NAALADL2: variants seen among roughly 807,000 people sequenced by gnomAD.
The protein encoded by NAALADL2 is N-acetylated alpha-linked acidic dipeptidase like 2.
NAALADL2 carries 76 observed loss-of-function variants against 87.2 expected under a neutral mutation model. That is an observed-to-expected ratio of 0.87 (90% CI 0.72 to 1.05). The LOEUF (loss-of-function observed/expected upper bound fraction) is 1.05. NAALADL2 is among the 50% of genes least tolerant of loss of function. The pLI is 0.00. For missense variants in NAALADL2, 1,089 were observed against 945.8 expected (o/e 1.15, Z -1.99); for synonymous variants, 354 against 331.0 (o/e 1.07, Z -0.75).
rs373614407 is a variant in NAALADL2 at position 175,402,958 on chromosome 3, TTC to T, written c.1091-44269_1091-44268del. Among the ~76,000 whole-genome samples, 825 of 152,276 alleles carry T rather than the reference TTC, an allele frequency of 5.4e-3. 9 individuals are homozygous for T. The highest frequency in any genetic ancestry group is 0.019 in the African/African-American group (788 of 41,576). ...TAAATTCTACTTTGACACTTTTAAA[TTC>T]TTCATAAATATTTTTGAAATGAACA... On this transcript the variant is annotated intron_variant, in intron 5 of 13. Coordinates refer to ENST00000454872, the MANE Select transcript of NAALADL2 (RefSeq NM_207015.3).
At chr3:175,174,499 GA>G (rs1212728280) in intron 2 of NAALADL2, among the ~76,000 whole-genome samples, 1 of 151,672 alleles carries the variant, frequency 6.6e-6, no homozygotes, top group Non-Finnish European at 1.5e-5. Flanking sequence ...ACATGAAAAT[GA>G]AAAAAATTAT....
At chr3:175,410,013 C>G (rs1360198980) in intron 5 of NAALADL2, among the ~76,000 whole-genome samples, 2 of 151,778 alleles carry the variant, frequency 1.3e-5, no homozygotes, top group African/African-American at 4.8e-5. Context: ...GACTAAATAA[C>G]CAAACATAAT....
At chr3:174,825,167 A>G (rs1187846897) in intron 3 of NAALADL2, among the ~76,000 whole-genome samples, 1 of 152,236 alleles carries the variant, frequency 6.6e-6, no homozygotes, top group Non-Finnish European at 1.5e-5. Context: ...ATTGGCACAC[A>G]TGATGGAGGC....
chr3:175,232,589 A>G (rs1258720302), intron 2 of NAALADL2, among the ~76,000 whole-genome samples: 2 of 152,204 alleles, frequency 1.3e-5, no homozygotes, highest in African/African-American at 4.8e-5. Context: ...AAAATCTTTT[A>G]CAAAGTCTCA....
rs1164243901 is a variant in NAALADL2, at chr3:174,552,795, CAAAAAAAA to C, written c.-115+2180_-115+2187del. Among the ~76,000 whole-genome samples, 15 of 55,976 alleles carry C rather than the reference CAAAAAAAA, an allele frequency of 2.7e-4. No individual in the cohort carries two copies. The Admixed American group carries it at 3.0e-3, about 11-fold the overall frequency. 36.7% of individuals were successfully genotyped at this position (55,976 alleles called of 152,430 possible). A position where few individuals can be genotyped will look rare whatever the true frequency, so the allele number is the denominator to read the frequency against. On this transcript the variant is annotated intron_variant, in intron 2 of 3. Coordinates refer to the NAALADL2 transcript ENST00000434257. ...TGGGCAGCAGAGTGAGACCCTGCCT[CAAAAAAAA>C]AAAAAAAAAAAAAAAAAAAAATCAA...
intron 2 of NAALADL2, among the ~76,000 whole-genome samples, chr3:174,734,943 AACTT>A (rs1253602075): frequency 2.6e-5 from 4 of 152,310 alleles, no homozygotes; most frequent in Admixed American, 2.6e-4. Context: ...GAAGGAAACT[AACTT>A]AACAGAGGGT....
chr3:175,655,484 A>C (rs559032713), intron 11 of NAALADL2: 16 of 385,858 alleles, frequency 4.1e-5, no homozygotes, highest in South Asian at 2.9e-4. Context: ...TAAATAGTGA[A>C]GAACACACAT....
intron 5 of NAALADL2, among the ~76,000 whole-genome samples, chr3:175,343,655 GT>G (rs113806607): frequency 0.025 from 1,611 of 64,688 alleles, 54 homozygotes; most frequent in African/African-American, 0.067. Context: ...TCTTGATCAT[GT>G]TTTTTTTTTT....
chr3:174,925,839 A>G (rs1194186717), intron 1 of NAALADL2, among the ~76,000 whole-genome samples: 4 of 152,046 alleles, frequency 2.6e-5, no homozygotes, highest in Admixed American at 2.6e-4. Flanking sequence ...TGCCAGCAAC[A>G]GAACAAAGCT....
intron 11 of NAALADL2, among the ~76,000 whole-genome samples, chr3:175,682,361 C>A (rs1382463222): frequency 6.6e-6 from 1 of 151,560 alleles, no homozygotes; most frequent in Non-Finnish European, 1.5e-5. Flanking sequence ...GAATAAAAAT[C>A]TAGTTATTGA....
chr3:175,333,170 T>A (rs2110511877), intron 5 of NAALADL2, among the ~76,000 whole-genome samples: 1 of 152,254 alleles, frequency 6.6e-6, no homozygotes, highest in East Asian at 1.9e-4. Context: ...GTAGCTTCAA[T>A]GGGCCAGTCC....
intron 13 of NAALADL2, among the ~76,000 whole-genome samples, chr3:175,777,009 T>C (rs985730552): frequency 4.0e-5 from 6 of 151,866 alleles, no homozygotes; most frequent in Non-Finnish European, 8.8e-5. Flanking sequence ...CAGGCAACTA[T>C]CTCATACTAT....
At chr3:175,089,424 C>T (rs1382208761) in intron 1 of NAALADL2, among the ~76,000 whole-genome samples, 2 of 152,170 alleles carry the variant, frequency 1.3e-5, no homozygotes, top group East Asian at 1.9e-4. Flanking sequence ...AGCTCTTCTA[C>T]TGACTAGCTG....
At chr3:175,533,496 A>G (rs1582285239) in intron 9 of NAALADL2, among the ~76,000 whole-genome samples, 1 of 152,158 alleles carries the variant, frequency 6.6e-6, no homozygotes, top group Non-Finnish European at 1.5e-5. Flanking sequence ...TGATGGCAGC[A>G]TGGGTCGGGG....
chr3:175,293,841 A>AT (rs1201669575), intron 4 of NAALADL2, among the ~76,000 whole-genome samples: 3 of 152,210 alleles, frequency 2.0e-5, no homozygotes, highest in Non-Finnish European at 4.4e-5. Flanking sequence ...AGTTTATGGC[A>AT]TTTTTTATAT....
At chr3:175,539,788 C>A (rs1409197412) in intron 9 of NAALADL2, among the ~76,000 whole-genome samples, 1 of 152,090 alleles carries the variant, frequency 6.6e-6, no homozygotes, top group Non-Finnish European at 1.5e-5. Context: ...ATGGTTGGCA[C>A]TGAGAAAAAT....
At chr3:175,458,806 T>C (rs1722698544) in intron 6 of NAALADL2, among the ~76,000 whole-genome samples, 1 of 152,008 alleles carries the variant, frequency 6.6e-6, no homozygotes, top group African/African-American at 2.4e-5. Flanking sequence ...GGCTATTCAC[T>C]CTATATCAAA....
At chr3:175,438,418 A>G (rs2149191264) in intron 5 of NAALADL2, among the ~76,000 whole-genome samples, 1 of 152,264 alleles carries the variant, frequency 6.6e-6, no homozygotes, top group South Asian at 2.1e-4. Flanking sequence ...CATTTGTGCC[A>G]GTTATTTAAT....
At chr3:174,526,740 A>G (rs977849397) in intron 1 of NAALADL2, among the ~76,000 whole-genome samples, 1 of 146,540 alleles carries the variant, frequency 6.8e-6, no homozygotes, top group African/African-American at 2.5e-5. Context: ...CAGTGGTGTG[A>G]TCTGTGCTTA....
Sources: allele counts gnomAD v4.1 joint callset (sites outside exome capture counted in the v4.1 genomes callset), GRCh38; gene constraint gnomAD v4.1.1; transcripts MANE v1.5; gene names NCBI Gene and HGNC (gene_info 2026-07-23, HGNC 2026-07-21).